The following SLC7A6 variants were observed in gnomAD, a reference collection of about 807,000 sequenced individuals.
SLC7A6 encodes solute carrier family 7 member 6, also known as Y+L amino acid transporter 2.
A neutral mutation model predicts 46.6 loss-of-function variants in SLC7A6; 29 were observed. The ratio of observed to expected loss-of-function variants is 0.62; its 90% CI spans 0.46 to 0.85. The LOEUF is 0.85. SLC7A6 is among the 40% of genes least tolerant of loss of function. SLC7A6 has a pLI of 0.00. For synonymous variants in SLC7A6, 276 were observed against 257.3 expected (o/e 1.07, Z -0.70); for missense variants, 527 against 647.6 (o/e 0.81, Z 2.02).
chr16:68,273,537 T>A (rs928015439), intron 2 of SLC7A6, among the ~76,000 whole-genome samples: 2 of 152,090 alleles, frequency 1.3e-5, no homozygotes, highest in Non-Finnish European at 2.9e-5. Flanking sequence ...AGATTCTGGG[T>A]CCTTCATAGG....
At chr16:68,289,479 C>T (rs1215833952) in intron 4 of SLC7A6, among the ~76,000 whole-genome samples, 1 of 152,086 alleles carries the variant, frequency 6.6e-6, no homozygotes, top group Non-Finnish European at 1.5e-5. Flanking sequence ...CCTTAGGGAA[C>T]CACTGCTGTG....
Position 68,300,774 on chromosome 16 carries a change from T to G in SLC7A6, c.*3446T>G. On this transcript the variant is annotated 3_prime_UTR_variant, in exon 11 of 11. Transcript: ENST00000219343. ...AACTAAAATCTCCCACTGCTCAGACTACTTTCTGCCCTAATGGCCATTACT... is the reference window on the plus strand; with the variant it reads ...AACTAAAATCTCCCACTGCTCAGACGACTTTCTGCCCTAATGGCCATTACT... The G allele has an allele frequency of 1.0e-6, 1 of 985,424 alleles. No homozygotes were observed. The highest frequency in any genetic ancestry group is 4.7e-5 in the South Asian group (1 of 21,292). 61.0% of individuals were successfully genotyped at this position (985,424 alleles called of 1,614,324 possible).
intron 7 of SLC7A6, among the ~76,000 whole-genome samples, chr16:68,293,486 T>C (rs1272311859): frequency 1.3e-5 from 2 of 152,146 alleles, no homozygotes; most frequent in African/African-American, 4.8e-5. Context: ...ATGGACTTCT[T>C]TTCTAGCCTT....
At chr16:68,275,305 G>A (rs1301907901) in intron 3 of SLC7A6, 56 bp downstream of exon 3, 6 of 1,560,666 alleles carry the variant, frequency 3.8e-6, no homozygotes, top group East Asian at 2.3e-5. Flanking sequence ...CTATAATAAC[G>A]GTACTTTAGG....
intron 2 of SLC7A6, among the ~76,000 whole-genome samples, chr16:68,271,083 C>T (rs1046005323): frequency 6.6e-5 from 10 of 152,072 alleles, no homozygotes; most frequent in Admixed American, 5.9e-4. Context: ...CTCCTGGGCT[C>T]AAGCAATCCT....
chr16:68,279,449 G>T (rs1391546229), intron 3 of SLC7A6, among the ~76,000 whole-genome samples: 1 of 152,204 alleles, frequency 6.6e-6, no homozygotes, highest in African/African-American at 2.4e-5. Flanking sequence ...AGGATTGCAG[G>T]CCTCCATGCC....
intron 3 of SLC7A6, among the ~76,000 whole-genome samples, chr16:68,281,867 T>C: frequency 6.6e-6 from 1 of 152,232 alleles, no homozygotes. Context: ...GATTTCAACA[T>C]GGAAGTAGTT....
chr16:68,288,305 T>C (rs2042978866), intron 4 of SLC7A6, among the ~76,000 whole-genome samples: 1 of 152,180 alleles, frequency 6.6e-6, no homozygotes, highest in South Asian at 2.1e-4. Context: ...TGGGTGGTTA[T>C]TTTGCAGCCT....
At chr16:68,280,142 T>C (rs1000080359) in intron 3 of SLC7A6, among the ~76,000 whole-genome samples, 1 of 152,208 alleles carries the variant, frequency 6.6e-6, no homozygotes, top group African/African-American at 2.4e-5. Flanking sequence ...TCAGGAGACA[T>C]AAATTGCACG....
chr16:68,286,813 G>C (rs2042945516), intron 3 of SLC7A6, among the ~76,000 whole-genome samples: 1 of 152,142 alleles, frequency 6.6e-6, no homozygotes, highest in Admixed American at 6.5e-5. Context: ...GGGTAGGAAT[G>C]AGGGTGGAAG....
At position 68,290,207 on chromosome 16, in the gene SLC7A6, G is replaced by A. The variant is rs1167237729; in HGVS notation, c.650-189G>A. On this transcript the variant is annotated intron_variant, in intron 4 of 10. Coordinates refer to ENST00000219343, the MANE Select transcript of SLC7A6 (RefSeq NM_003983.6). ...TGTTGATCTTTTGGTGTTAAATTAT[G>A]TTTTTTTTTCTTTCCCCTGCCTTCT... 1.2e-5 allele frequency: 7 copies of A among 587,978 alleles called. No homozygotes were observed. In the East Asian group the frequency reaches 2.0e-4, roughly 17 times the overall value. The allele number at this position is 587,978 out of a possible 1,614,324, so 36.4% of individuals were successfully genotyped here. A position where few individuals can be genotyped will look rare whatever the true frequency, so the allele number is the denominator to read the frequency against.
At chr16:68,288,001 A>T in intron 4 of SLC7A6, 130 bp downstream of exon 4, 1 of 1,328,550 alleles carries the variant, frequency 7.5e-7, no homozygotes, top group Non-Finnish European at 1.0e-6. Context: ...AGTGCAAGAG[A>T]TGGGAGTAGA....
intron 3 of SLC7A6, among the ~76,000 whole-genome samples, chr16:68,285,804 A>G (rs1596993274): frequency 6.6e-6 from 1 of 152,200 alleles, no homozygotes; most frequent in Non-Finnish European, 1.5e-5. Context: ...GAGCTTAAGA[A>G]AACAACGTGG....
chr16:68,299,703 G>A lies in SLC7A6; in HGVS notation c.*2375G>A, dbSNP rs1023359795. On this transcript the variant is annotated 3_prime_UTR_variant, in exon 11 of 11. Coordinates refer to ENST00000219343, the MANE Select transcript of SLC7A6 (RefSeq NM_003983.6). ...TGTTTTTTTCACCCGGTTGCTGTATGAGAATGGCTTTCAATCCTTTGTTTC... is the reference window on the plus strand; with the variant it reads ...TGTTTTTTTCACCCGGTTGCTGTATAAGAATGGCTTTCAATCCTTTGTTTC... The A allele has an allele frequency of 2.0e-5, 3 of 152,160 alleles. No individual in the cohort carries two copies. Among genetic ancestry groups the A allele is most frequent in the African/African-American group, 7.2e-5 (3 of 41,426 alleles). The allele number at this position is 152,160 out of a possible 1,614,324, so 9.4% of individuals were successfully genotyped here. A position where few individuals can be genotyped will look rare whatever the true frequency, so the allele number is the denominator to read the frequency against.
At chr16:68,288,965 C>T (rs2042992829) in intron 4 of SLC7A6, among the ~76,000 whole-genome samples, 1 of 115,504 alleles carries the variant, frequency 8.7e-6, no homozygotes, top group African/African-American at 3.5e-5. Context: ...AAGATTCCAT[C>T]TCAAAAAAAA....
intron 2 of SLC7A6, among the ~76,000 whole-genome samples, chr16:68,272,068 G>A (rs1351255103): frequency 6.6e-6 from 1 of 152,184 alleles, no homozygotes; most frequent in Non-Finnish European, 1.5e-5. Context: ...CTCCCAAAGT[G>A]CTGGGATTAC....
intron 2 of SLC7A6, among the ~76,000 whole-genome samples, chr16:68,267,436 A>G (rs2042554328): frequency 1.3e-5 from 2 of 151,654 alleles, no homozygotes; most frequent in South Asian, 4.2e-4. Context: ...GCTGGTCCCG[A>G]ACTCCTGACC....
In SLC7A6 at chr16:68,290,459, TTGCCCTCTACTC is replaced by T; in HGVS notation, c.722_733del (p.Tyr241_Leu244del). Reference sequence around the variant, plus strand: ...TCCTGGGACATGGGAAACCTCTCTCTTGCCCTCTACTCTGCCCTCTTCTCTTACTCAGGTTGG... The same window carrying T: ...TCCTGGGACATGGGAAACCTCTCTCTTGCCCTCTTCTCTTACTCAGGTTGG... On this transcript the variant is annotated inframe_deletion, in exon 5 of 11. Coordinates refer to ENST00000219343, the MANE Select transcript of SLC7A6 (RefSeq NM_003983.6). 1.2e-6 allele frequency: 2 copies of T among 1,614,194 alleles called. No individual in the cohort carries two copies. Among genetic ancestry groups the T allele is most frequent in the South Asian group, 1.1e-5 (1 of 91,088 alleles).
chr16:68,268,894 C>G (rs2042578928), intron 2 of SLC7A6, among the ~76,000 whole-genome samples: 1 of 152,120 alleles, frequency 6.6e-6, no homozygotes, highest in African/African-American at 2.4e-5. Context: ...GTAATCCCAG[C>G]TACTCGGAAA....
Sources: allele counts gnomAD v4.1 joint callset (sites outside exome capture counted in the v4.1 genomes callset), GRCh38; gene constraint gnomAD v4.1.1; transcripts MANE v1.5; gene names NCBI Gene and HGNC (gene_info 2026-07-23, HGNC 2026-07-21).